JADE2: variants seen among roughly 807,000 people sequenced by gnomAD.
The protein encoded by JADE2 is jade family PHD finger 2.
JADE2 carries 13 observed loss-of-function variants against 85.7 expected under a neutral mutation model. The observed-to-expected ratio is 0.15, with a 90% confidence interval of 0.10 to 0.24. The LOEUF (loss-of-function observed/expected upper bound fraction) is 0.24. Among genes scored for constraint, JADE2 ranks in the 10% least tolerant of loss-of-function variants. The pLI, the probability that JADE2 is intolerant of heterozygous loss-of-function variation, is 1.00. For missense variants in JADE2, 846 were observed against 1,115.9 expected, an observed-to-expected ratio of 0.76 and a Z score of 3.45; for synonymous variants, 440 against 456.1, an observed-to-expected ratio of 0.96 and a Z score of 0.45.
intron 6 of JADE2, among the ~76,000 whole-genome samples, chr5:134,561,305 C>G (rs543978270): frequency 6.6e-6 from 1 of 152,254 alleles, no homozygotes; most frequent in African/African-American, 2.4e-5. Context: ...TGCCAGATTT[C>G]AAATCGTGGC....
chr5:134,568,499 C>T (rs1763787747), intron 9 of JADE2, among the ~76,000 whole-genome samples: 1 of 152,206 alleles, frequency 6.6e-6, no homozygotes, highest in Non-Finnish European at 1.5e-5. Context: ...GCTGCAGAGA[C>T]TCCTGCAGTG....
At chr5:134,573,430 G>A (rs933531914) in intron 9 of JADE2, among the ~76,000 whole-genome samples, 2 of 152,212 alleles carry the variant, frequency 1.3e-5, no homozygotes, top group African/African-American at 2.4e-5. Flanking sequence ...GGCTGAGGCT[G>A]TGTTTGGCCT....
chr5:134,535,703 G>A (rs1332353832), intron 1 of JADE2, among the ~76,000 whole-genome samples, 155 bp from the exon 2 acceptor site: 2 of 152,152 alleles, frequency 1.3e-5, no homozygotes, highest in Non-Finnish European at 2.9e-5. Context: ...GGTGGGAGAG[G>A]GTGGTGCTGG....
chr5:134,550,388 G>A (rs1762525507), intron 3 of JADE2, among the ~76,000 whole-genome samples: 1 of 152,146 alleles, frequency 6.6e-6, no homozygotes, highest in African/African-American at 2.4e-5. Flanking sequence ...TTCAAATGAG[G>A]TGCACATAGC....
At chr5:134,527,604 C>T (rs1199540733) in intron 1 of JADE2, among the ~76,000 whole-genome samples, 2 of 151,986 alleles carry the variant, frequency 1.3e-5, no homozygotes, top group African/African-American at 2.4e-5. Flanking sequence ...GCCTCTTGCC[C>T]TTCCTTCGCC....
chr5:134,569,512 G>A (rs1466454103), intron 9 of JADE2, among the ~76,000 whole-genome samples: 3 of 152,162 alleles, frequency 2.0e-5, no homozygotes, highest in Admixed American at 1.3e-4. Context: ...GACAAAAATC[G>A]CAGCACTGTT....
At chr5:134,527,358 G>A (rs1451730594) in intron 1 of JADE2, among the ~76,000 whole-genome samples, 2 of 152,120 alleles carry the variant, frequency 1.3e-5, no homozygotes, top group African/African-American at 4.8e-5. Context: ...TCGGCCAAGG[G>A]ACGAGAGGGG....
chr5:134,525,815 C>T lies in JADE2; in HGVS notation c.-197C>T. On this transcript the variant is annotated 5_prime_UTR_variant, in exon 1 of 12. Transcript: ENST00000681547. Reference sequence around the variant, plus strand: ...GGCTTAGGTCCTGCGGGCCGACCGTCCCCGGCGGGGGGCGTGGGGCCTGGG... The same window carrying T: ...GGCTTAGGTCCTGCGGGCCGACCGTTCCCGGCGGGGGGCGTGGGGCCTGGG... 3.0e-5 allele frequency: 30 copies of T among 1,013,024 alleles called. No individual in the cohort carries two copies. The highest frequency in any genetic ancestry group is 3.5e-5 in the Non-Finnish European group (30 of 845,116). 62.8% of individuals were successfully genotyped at this position (1,013,024 alleles called of 1,614,324 possible). A position where few individuals can be genotyped will look rare whatever the true frequency, so the allele number is the denominator to read the frequency against.
chr5:134,549,574 T>C (rs1269265023), intron 3 of JADE2, among the ~76,000 whole-genome samples: 1 of 151,978 alleles, frequency 6.6e-6, no homozygotes, highest in East Asian at 1.9e-4. Flanking sequence ...GAAGAATCGT[T>C]TGAACCCAGG....
Position 134,538,358 on chromosome 5 carries a change from G to A in JADE2, c.153+275G>A, listed in dbSNP as rs556785812. Among the ~76,000 whole-genome samples, 10 of 152,282 alleles carry A rather than the reference G, an allele frequency of 6.6e-5. No homozygotes were observed. The South Asian group carries it at 8.3e-4, about 13-fold the overall frequency. On this transcript the variant is annotated intron_variant, in intron 3 of 11. Coordinates refer to ENST00000681547, the MANE Select transcript of JADE2 (RefSeq NM_001388185.1). ...GTTTTAGTGAAAGTTCCCCCTGGCC[G>A]CTGTGAGAGAAGGGAGAGTTGCAGT...
chr5:134,573,121 A>G lies in JADE2; in HGVS notation c.1435-524A>G, dbSNP rs544838848. Among the ~76,000 whole-genome samples, 7 of 152,364 alleles carry G rather than the reference A, an allele frequency of 4.6e-5. No individual in the cohort carries two copies. The South Asian group carries it at 8.3e-4, about 18-fold the overall frequency. ...CTCTCTGGCTGCAAGTACCGGGGCC[A>G]TTTGTGGCTCAGGACAAGTGTTAGT... On this transcript the variant is annotated intron_variant, in intron 9 of 11. Transcript: ENST00000681547.
chr5:134,534,268 G>A (rs750121151), intron 1 of JADE2, among the ~76,000 whole-genome samples: 6 of 152,058 alleles, frequency 3.9e-5, no homozygotes, highest in South Asian at 2.1e-4. Context: ...CTAGGGACTC[G>A]TTGAGGTCCC....
chr5:134,560,629 C>A, intron 5 of JADE2, 117 bp from the exon 6 acceptor site: 1 of 835,540 alleles, frequency 1.2e-6, no homozygotes, highest in Non-Finnish European at 1.9e-6. Context: ...AGTGGGTGGG[C>A]AGAAACCCTC....
chr5:134,544,099 G>C (rs1762145495), intron 3 of JADE2, among the ~76,000 whole-genome samples: 1 of 152,246 alleles, frequency 6.6e-6, no homozygotes, highest in Admixed American at 6.5e-5. Flanking sequence ...AAGCGGTGGG[G>C]GTTTCCCCAA....
intron 3 of JADE2, among the ~76,000 whole-genome samples, chr5:134,550,007 C>T (rs1207696531): frequency 1.3e-5 from 2 of 152,238 alleles, no homozygotes; most frequent in Admixed American, 1.3e-4. Flanking sequence ...GGCACAGGCC[C>T]CTACTGAAGG....
intron 3 of JADE2, among the ~76,000 whole-genome samples, chr5:134,548,834 A>G (rs919302177): frequency 1.3e-5 from 2 of 152,234 alleles, no homozygotes; most frequent in Non-Finnish European, 2.9e-5. Flanking sequence ...CTTAAAGCCC[A>G]GCAGAACAAA....
intron 5 of JADE2, 68 bp from the exon 6 acceptor site, chr5:134,560,678 A>G: frequency 5.1e-6 from 7 of 1,385,852 alleles, no homozygotes; most frequent in Non-Finnish European, 7.0e-6. Flanking sequence ...TCCAGGAGCC[A>G]AGTCCTCTTC....
intron 5 of JADE2, 63 bp downstream of exon 5, chr5:134,560,053 C>G: frequency 4.4e-6 from 7 of 1,583,874 alleles, no homozygotes; most frequent in Non-Finnish European, 6.1e-6. Flanking sequence ...CTCCCCATCC[C>G]GAGAGGGACA....
chr5:134,569,469 G>C (rs1363833995), intron 9 of JADE2, among the ~76,000 whole-genome samples: 1 of 152,228 alleles, frequency 6.6e-6, no homozygotes, highest in Non-Finnish European at 1.5e-5. Context: ...CGGAAGGCAT[G>C]GCCACTGCAG....
Sources: allele counts gnomAD v4.1 joint callset (sites outside exome capture counted in the v4.1 genomes callset), GRCh38; gene constraint gnomAD v4.1.1; transcripts MANE v1.5; gene names NCBI Gene and HGNC (gene_info 2026-07-23, HGNC 2026-07-21).